CDH12: variants seen among roughly 807,000 people sequenced by gnomAD.
The protein encoded by CDH12 is cadherin-12.
In CDH12, 41 loss-of-function variants were observed where a neutral mutation model predicts 74.1. The observed-to-expected ratio is 0.55, with a 90% CI of 0.43 to 0.72. The LOEUF is 0.72. CDH12 is among the 30% of genes least tolerant of loss of function. The probability of loss-of-function intolerance (pLI) is 0.00; values close to 1 mark genes in which losing one functional copy is unlikely to be tolerated. For missense variants in CDH12, 945 were observed against 977.2 expected, an observed-to-expected ratio of 0.97 and a Z score of 0.44; for synonymous variants, 399 against 355.0, an observed-to-expected ratio of 1.12 and a Z score of -1.39.
At chr5:22,449,059 CAT>C (rs745534535) in intron 2 of CDH12, among the ~76,000 whole-genome samples, 30 of 147,564 alleles carry the variant, frequency 2.0e-4, no homozygotes, top group African/African-American at 2.2e-4. Flanking sequence ...CAGTTTATCT[CAT>C]ATATATATAT....
chr5:22,476,554 G>C (rs921552290), intron 2 of CDH12, among the ~76,000 whole-genome samples: 1 of 151,974 alleles, frequency 6.6e-6, no homozygotes, highest in African/African-American at 2.4e-5. Flanking sequence ...TCACAATCCT[G>C]CTACCCTTCT....
At chr5:22,721,064 G>A (rs1743856039) in intron 1 of CDH12, among the ~76,000 whole-genome samples, 1 of 152,224 alleles carries the variant, frequency 6.6e-6, no homozygotes, top group South Asian at 2.1e-4. Flanking sequence ...TGGGGAAAAT[G>A]TCTCCAGGGC....
At chr5:21,850,962 T>C (rs1036767912) in intron 7 of CDH12, among the ~76,000 whole-genome samples, 2 of 151,324 alleles carry the variant, frequency 1.3e-5, no homozygotes, top group Non-Finnish European at 3.0e-5. Context: ...GATGGTGTAA[T>C]GGTTTGACAA....
intron 4 of CDH12, among the ~76,000 whole-genome samples, chr5:22,120,209 T>A (rs1745423636): frequency 6.6e-6 from 1 of 152,190 alleles, no homozygotes; most frequent in Non-Finnish European, 1.5e-5. Flanking sequence ...TTGAGTATCA[T>A]CATAGTTGTG....
chr5:22,038,260 C>T (rs1277830480), intron 5 of CDH12, among the ~76,000 whole-genome samples: 1 of 152,192 alleles, frequency 6.6e-6, no homozygotes, highest in Non-Finnish European at 1.5e-5. Flanking sequence ...CCAACACCCC[C>T]AAGCTAAGCT....
At chr5:22,383,266 G>A (rs1327215087) in intron 3 of CDH12, among the ~76,000 whole-genome samples, 1 of 152,184 alleles carries the variant, frequency 6.6e-6, no homozygotes, top group Non-Finnish European at 1.5e-5. Flanking sequence ...ACTATAAAGT[G>A]ACTAGGATAT....
intron 3 of CDH12, among the ~76,000 whole-genome samples, chr5:22,359,831 C>T (rs1262520842): frequency 6.6e-6 from 1 of 152,124 alleles, no homozygotes; most frequent in Non-Finnish European, 1.5e-5. Context: ...TGAATGAGTA[C>T]TGGGTACGTA....
chr5:22,012,933 A>G (rs1737384276), intron 5 of CDH12, among the ~76,000 whole-genome samples: 2 of 144,450 alleles, frequency 1.4e-5, no homozygotes, highest in South Asian at 2.3e-4. Context: ...AAAATGAGAA[A>G]CTTTATCTCT....
At chr5:22,137,754 C>T (rs1432439191) in intron 4 of CDH12, among the ~76,000 whole-genome samples, 4 of 152,078 alleles carry the variant, frequency 2.6e-5, no homozygotes, top group Admixed American at 2.6e-4. Flanking sequence ...AAAACAGGCA[C>T]AAGGGCGCCA....
rs553610706 is a variant in CDH12, at chr5:22,320,518, T to G, written c.-333+84739A>C. ...TTTTATTTTTCAAGTAAAATAAAAA[T>G]ATGTAGGATATTTTTCAAGCAGAGC... is the stretch of plus-strand genomic sequence containing the variant. On this transcript the variant is annotated intron_variant, in intron 3 of 14. Transcript: ENST00000382254. Among the ~76,000 whole-genome samples, 76 of 152,210 alleles carry G rather than the reference T, an allele frequency of 5.0e-4. 2 individuals are homozygous for G. The South Asian group carries it at 0.016, about 31-fold the overall frequency.
At chr5:22,029,736 C>T (rs1436514615) in intron 5 of CDH12, among the ~76,000 whole-genome samples, 2 of 151,048 alleles carry the variant, frequency 1.3e-5, no homozygotes, top group African/African-American at 4.9e-5. Context: ...CTAGAAATAC[C>T]ATTTGACCCA....
intron 6 of CDH12, among the ~76,000 whole-genome samples, chr5:21,884,501 G>A (rs1222383784): frequency 6.6e-6 from 1 of 152,140 alleles, no homozygotes; most frequent in African/African-American, 2.4e-5. Context: ...CATTGTCCAT[G>A]CCTACAGATA....
At chr5:22,151,627 C>T (rs976324859) in intron 4 of CDH12, among the ~76,000 whole-genome samples, 52 of 152,046 alleles carry the variant, frequency 3.4e-4, no homozygotes, top group African/African-American at 1.2e-3. Context: ...GACTATAGGT[C>T]CTCATTTTCC....
chr5:21,751,978 T>A lies in CDH12; in HGVS notation c.2144A>T (p.Asp715Val), dbSNP rs1347478139. ...TTCCTGTAGCCTTTGATGAATGAAA[T>A]CCCTTATGTCTGTGTTATCTTCCAT... ...PPMEDNTDIR[D>V]FIHQRLQEND... Residue 715 changes from aspartate (D) to valine (V), a missense_variant, in exon 15 of 15, where the codon GAT becomes GTT. Physicochemically the swap from Asp to Val is radical, Grantham distance 152. This residue lies in a region of CDH12 where 791 missense variants were observed against 792.8 expected (regional missense o/e 1.00). Coordinates refer to ENST00000382254, the MANE Select transcript of CDH12 (RefSeq NM_004061.5). The A allele has an allele frequency of 3.1e-6, 5 of 1,614,072 alleles. No homozygotes were observed. The African/African-American group carries it at 6.7e-5, about 22-fold the overall frequency.
intron 1 of CDH12, among the ~76,000 whole-genome samples, chr5:22,670,853 A>G (rs1432553824): frequency 1.3e-5 from 2 of 152,018 alleles, no homozygotes; most frequent in Non-Finnish European, 2.9e-5. Flanking sequence ...CTTACTAATA[A>G]AATGTAATCT....
At chr5:22,094,438 A>G (rs1343281987) in intron 4 of CDH12, among the ~76,000 whole-genome samples, 3 of 152,226 alleles carry the variant, frequency 2.0e-5, no homozygotes, top group African/African-American at 7.2e-5. Flanking sequence ...GACTAAATCT[A>G]GGATGAAAAT....
At chr5:22,211,158 T>C (rs1751511624) in intron 4 of CDH12, among the ~76,000 whole-genome samples, 1 of 152,120 alleles carries the variant, frequency 6.6e-6, no homozygotes, top group South Asian at 2.1e-4. Context: ...TTATAAAATG[T>C]CCCATCTCAA....
intron 5 of CDH12, among the ~76,000 whole-genome samples, chr5:22,064,638 A>G (rs1295319596): frequency 6.6e-6 from 1 of 152,188 alleles, no homozygotes; most frequent in Non-Finnish European, 1.5e-5. Flanking sequence ...AGCTCATAAC[A>G]TAATATTTTT....
chr5:21,936,952 G>A (rs1406583921), intron 6 of CDH12, among the ~76,000 whole-genome samples: 1 of 152,176 alleles, frequency 6.6e-6, no homozygotes, highest in Non-Finnish European at 1.5e-5. Context: ...GGAACTGTGA[G>A]TCAAGTAAGC....
Sources: gnomAD v4.1 joint callset for allele counts (sites outside exome capture counted in the v4.1 genomes callset) on GRCh38, gnomAD v4.1.1 for gene constraint, gnomAD v4.1.1 regional missense constraint, MANE v1.5 for transcripts, NCBI Gene and HGNC (gene_info 2026-07-23, HGNC 2026-07-21) for gene names.